HIVEP1: variants seen among roughly 807,000 people sequenced by gnomAD.
The protein encoded by HIVEP1 is HIVEP zinc finger 1, also known as zinc finger protein 40.
HIVEP1 carries 36 observed loss-of-function variants against 180.0 expected under a neutral mutation model. The observed-to-expected ratio is 0.20, with a 90% confidence interval of 0.15 to 0.26. HIVEP1 has a LOEUF of 0.26. Among genes scored for constraint, HIVEP1 ranks in the 10% least tolerant of loss-of-function variants. The pLI is 1.00. For synonymous variants in HIVEP1, 1,239 were observed against 1,239.0 expected, an observed-to-expected ratio of 1.00 and a Z score of 0.00; for missense variants, 3,143 against 3,268.7, an observed-to-expected ratio of 0.96 and a Z score of 0.94.
chr6:12,079,435 T>G (rs1772615900), intron 2 of HIVEP1, among the ~76,000 whole-genome samples: 6 of 152,168 alleles, frequency 3.9e-5, no homozygotes. Flanking sequence ...AGCCATGAAG[T>G]GCACATTGAA....
intron 3 of HIVEP1, among the ~76,000 whole-genome samples, chr6:12,092,244 A>G (rs1366269555): frequency 2.0e-5 from 3 of 152,162 alleles, no homozygotes; most frequent in Non-Finnish European, 4.4e-5. Context: ...TTAAAAAACA[A>G]TTATGTCATA....
chr6:12,132,757 A>G (rs116677120), intron 6 of HIVEP1, among the ~76,000 whole-genome samples: 1,585 of 152,246 alleles, frequency 0.01, 26 homozygotes, highest in African/African-American at 0.036. Flanking sequence ...TATGGTAAAT[A>G]TTTATTTGAA....
At chr6:12,068,418 T>C (rs1390645162) in intron 2 of HIVEP1, among the ~76,000 whole-genome samples, 1 of 152,164 alleles carries the variant, frequency 6.6e-6, no homozygotes, top group Non-Finnish European at 1.5e-5. Flanking sequence ...ACTAACACTT[T>C]TAACTAAATT....
the HIVEP1 span, among the ~76,000 whole-genome samples, chr6:12,172,070 A>G: frequency 1.3e-5 from 2 of 152,318 alleles, no homozygotes; most frequent in Admixed American, 1.3e-4. Flanking sequence ...CCCACATTCC[A>G]TCATCTGGGA....
At chr6:12,025,210 T>C (rs1022005222) in intron 2 of HIVEP1, among the ~76,000 whole-genome samples, 1 of 152,222 alleles carries the variant, frequency 6.6e-6, no homozygotes, top group African/African-American at 2.4e-5. Context: ...GAAAGTTCTT[T>C]CCTGATTAGT....
At chr6:12,134,382 G>A (rs1287469241) in intron 6 of HIVEP1, among the ~76,000 whole-genome samples, 5 of 152,110 alleles carry the variant, frequency 3.3e-5, no homozygotes, top group Non-Finnish European at 7.3e-5. Context: ...ACTAAGCTCT[G>A]GGGTCCTGCG....
rs1485555650 is a variant in HIVEP1, at chr6:12,092,451, G to A, written c.94+3214G>A. ...TATGAAATTGTTGGCCCATTCTTCT[G>A]TTGATATTTAAGTTATTTCCACCTT... On this transcript the variant is annotated intron_variant, in intron 3 of 8. Coordinates refer to ENST00000379388, the MANE Select transcript of HIVEP1 (RefSeq NM_002114.4). 4.6e-5 allele frequency among the ~76,000 whole-genome samples: 7 copies of A among 152,162 alleles called. No homozygotes were observed. The East Asian group carries it at 1.4e-3, about 29-fold the overall frequency.
chr6:12,047,785 A>G (rs978410978), intron 2 of HIVEP1, among the ~76,000 whole-genome samples: 2 of 152,224 alleles, frequency 1.3e-5, no homozygotes, highest in African/African-American at 4.8e-5. Flanking sequence ...CCCGGTAGGT[A>G]GCTTTTTAAT....
At chr6:12,058,782 T>G (rs1771038303) in intron 2 of HIVEP1, among the ~76,000 whole-genome samples, 1 of 152,150 alleles carries the variant, frequency 6.6e-6, no homozygotes, top group Non-Finnish European at 1.5e-5. Flanking sequence ...ACAAGTCACG[T>G]GGGGCTGACC....
upstream of HIVEP1, among the ~76,000 whole-genome samples, chr6:12,009,923 G>T (rs1767189736): frequency 6.6e-6 from 1 of 152,232 alleles, no homozygotes. Context: ...CATAAACATT[G>T]TGTTGACAGT....
In HIVEP1 at chr6:12,012,627, G is replaced by GGT. The variant is rs1267870344; in HGVS notation, c.-104+62_-104+63insTG. 8.0e-5 allele frequency: 12 copies of GGT among 149,194 alleles called. 1 individual carries two copies. Among genetic ancestry groups the GGT allele is most frequent in the African/African-American group, 2.7e-4 (11 of 40,842 alleles). The allele number at this position is 149,194 out of a possible 1,614,324, so 9.2% of individuals were successfully genotyped here. On this transcript the variant is annotated intron_variant, in intron 1 of 8. Transcript: ENST00000379388. ...TGGGGAGGGCGGCGGGGCGGAGGGGGGGGGGGGCAGGAGCACATCCCTTCG... is the reference window on the plus strand; with the variant it reads ...TGGGGAGGGCGGCGGGGCGGAGGGGGGTGGGGGGGCAGGAGCACATCCCTTCG...
At chr6:12,172,412 T>G in the HIVEP1 span, among the ~76,000 whole-genome samples, 1 of 152,122 alleles carries the variant, frequency 6.6e-6, no homozygotes, top group African/African-American at 2.4e-5. Flanking sequence ...TTAAGTTTTA[T>G]TTCCCCACCA....
At chr6:12,158,364 A>G (rs1760184473) in intron 7 of HIVEP1, among the ~76,000 whole-genome samples, 1 of 152,100 alleles carries the variant, frequency 6.6e-6, no homozygotes, top group South Asian at 2.1e-4. Context: ...ATGTTCCTGT[A>G]GAGATACCTT....
chr6:12,078,998 G>C (rs1772585838), intron 2 of HIVEP1, among the ~76,000 whole-genome samples: 1 of 152,082 alleles, frequency 6.6e-6, no homozygotes, highest in Admixed American at 6.6e-5. Flanking sequence ...AAGTTCAGTG[G>C]ACCCTGGCGT....
At chr6:12,062,268 G>A (rs1230104695) in intron 2 of HIVEP1, among the ~76,000 whole-genome samples, 2 of 152,064 alleles carry the variant, frequency 1.3e-5, no homozygotes, top group African/African-American at 4.8e-5. Context: ...ACATGTTAGA[G>A]ATTATATATA....
chr6:12,123,070 A>C lies in HIVEP1; in HGVS notation c.3275A>C (p.His1092Pro). 6.2e-7 allele frequency: 1 copy of C among 1,614,200 alleles called. No individual in the cohort carries two copies. The highest frequency in any genetic ancestry group is 8.5e-7 in the Non-Finnish European group (1 of 1,180,038). Residue 1092 changes from histidine (H) to proline (P), a missense_variant, in exon 4 of 9, where the codon CAT becomes CCT. Physicochemically the swap from His to Pro is moderately conservative, Grantham distance 77. Around this residue, in one of 12 missense-constraint regions of HIVEP1, gnomAD observed 1,357 missense variants for 1,260.5 expected, o/e 1.08. Transcript: ENST00000379388. The part of the protein sequence containing the change: ...QHKNIQLQNS[H>P]IHLVARGPEQ... The stretch of plus-strand genomic sequence containing the variant: ...AAAAATATACAGTTGCAAAACTCCC[A>C]TATTCACCTTGTTGCCAGGGGCCCT...
intron 7 of HIVEP1, among the ~76,000 whole-genome samples, chr6:12,148,411 C>T (rs1759500892): frequency 6.6e-6 from 1 of 152,246 alleles, no homozygotes; most frequent in Non-Finnish European, 1.5e-5. Context: ...CTCTGCCATT[C>T]TTGAGAGTCC....
rs1760552468 is a variant in HIVEP1, at chr6:12,163,640, A to G, written c.7336A>G (p.Thr2446Ala). ...TTTGGGTACTCATAGGAATACGGTCACAGAAGTGTCTGGCACTACAAACCC... is the reference window on the plus strand; with the variant it reads ...TTTGGGTACTCATAGGAATACGGTCGCAGAAGTGTCTGGCACTACAAACCC... Reference protein sequence around the residue: ...RTLGTHRNTVTEVSGTTNPAG... With the variant: ...RTLGTHRNTVAEVSGTTNPAG... The change falls in exon 9 of 9, where the codon ACA becomes GCA. Residue 2446 changes from threonine to alanine, a missense_variant. Physicochemically the swap from Thr to Ala is moderately conservative, Grantham distance 58. Coordinates refer to ENST00000379388, the MANE Select transcript of HIVEP1 (RefSeq NM_002114.4). 6.2e-7 allele frequency: 1 copy of G among 1,614,080 alleles called. No individual in the cohort carries two copies. Among genetic ancestry groups the G allele is most frequent in the South Asian group, 1.1e-5 (1 of 91,090 alleles).
Position 12,125,402 on chromosome 6 carries a change from T to A in HIVEP1, c.5607T>A (p.Leu1869=). ...ENIKSSTSLT[L]TVRSSPAPSE... is the part of the protein sequence containing the mutation. ...TCAAGTCATCCACATCATTAACTCT[T>A]ACAGTTCGAAGTTCACCTGCTCCTT... The change falls in exon 4 of 9, where the codon CTT becomes CTA. Residue 1869 remains leucine, a synonymous_variant. Coordinates refer to ENST00000379388, the MANE Select transcript of HIVEP1 (RefSeq NM_002114.4). 1 of 1,614,046 alleles carries A rather than the reference T, an allele frequency of 6.2e-7. No homozygotes were observed. The highest frequency in any genetic ancestry group is 8.5e-7 in the Non-Finnish European group (1 of 1,179,924).
Sources: allele counts gnomAD v4.1 joint callset (sites outside exome capture counted in the v4.1 genomes callset), GRCh38; gene constraint gnomAD v4.1.1; regional missense constraint gnomAD v4.1.1; transcripts MANE v1.5; gene names NCBI Gene and HGNC (gene_info 2026-07-23, HGNC 2026-07-21).